Variants in LAMB1 observed in about 807,000 individuals in gnomAD.
The protein encoded by LAMB1 is laminin subunit beta-1.
Under a neutral mutation model 222.3 loss-of-function variants are expected in LAMB1, and 121 were observed. That is an observed-to-expected ratio of 0.54 (90% CI 0.47 to 0.63). LAMB1 has a LOEUF of 0.63. LAMB1 is among the 30% of genes least tolerant of loss of function. The pLI, the probability that LAMB1 is intolerant of heterozygous loss-of-function variation, is 0.00. For synonymous variants in LAMB1, 794 were observed against 807.2 expected (o/e 0.98, Z 0.28); for missense variants, 2,172 against 2,240.8 (o/e 0.97, Z 0.62).
At chr7:107,962,807 T>A in intron 15 of LAMB1, 98 bp downstream of exon 15, 1 of 965,702 alleles carries the variant, frequency 1.0e-6, no homozygotes, top group South Asian at 1.8e-5. Context: ...TAATGCAACC[T>A]CCATATTTCA....
intron 24 of LAMB1, chr7:107,942,823 C>A (rs1005961838): frequency 6.6e-6 from 1 of 152,076 alleles, no homozygotes; most frequent in Non-Finnish European, 1.5e-5. Context: ...AGGGGAAAAA[C>A]GTGTTCCGGT....
At chr7:107,963,338 G>T (rs1393355297) in intron 14 of LAMB1, among the ~76,000 whole-genome samples, 1 of 152,162 alleles carries the variant, frequency 6.6e-6, no homozygotes, top group Admixed American at 6.5e-5. Context: ...GACCAGGAGA[G>T]TAAGCATAAA....
In LAMB1 at chr7:107,935,636, T is replaced by A; in HGVS notation, c.3967A>T (p.Lys1323Ter). ...GCCTCAAGAGACATCTGGAAATACT[T>A]GGTAATGCTATCCAAGGCACCTAGG... ...DIRGALDSIT[K>*]YFQMSLEAEE... Residue 1323 changes from lysine (K) to a stop codon, truncating the protein, a stop_gained, in exon 27 of 34, where the codon AAG becomes TAG. Coordinates refer to ENST00000222399, the MANE Select transcript of LAMB1 (RefSeq NM_002291.3). LOFTEE classifies it high-confidence loss of function. 6.2e-7 allele frequency: 1 copy of A among 1,613,986 alleles called. No homozygotes were observed. The highest frequency in any genetic ancestry group is 8.5e-7 in the Non-Finnish European group (1 of 1,179,974).
rs2033834393 is a variant in LAMB1 at position 107,975,495 on chromosome 7, C to G, written c.1190-82G>C. 4.4e-6 allele frequency: 6 copies of G among 1,377,122 alleles called. No homozygotes were observed. The African/African-American group carries it at 8.8e-5, about 20-fold the overall frequency. 85.3% of individuals were successfully genotyped at this position (1,377,122 alleles called of 1,614,324 possible). A position where few individuals can be genotyped will look rare whatever the true frequency, so the allele number is the denominator to read the frequency against. On this transcript the variant is annotated intron_variant, in intron 10 of 33. Transcript: ENST00000222399. Reference sequence around the variant, plus strand: ...TATAAATACATATATTCCCTTCCTCCCTCTAAATCTCACAAAAGTCGACTA... The same window carrying G: ...TATAAATACATATATTCCCTTCCTCGCTCTAAATCTCACAAAAGTCGACTA...
chr7:107,963,175 T>C (rs778514844), intron 14 of LAMB1, 112 bp from the exon 15 acceptor site: 9 of 981,068 alleles, frequency 9.2e-6, no homozygotes, highest in Non-Finnish European at 1.0e-5. Flanking sequence ...GGCTACCTTA[T>C]GTCTATTTTT....
intron 5 of LAMB1, among the ~76,000 whole-genome samples, chr7:107,993,180 C>T (rs1262071379): frequency 6.6e-6 from 1 of 152,212 alleles, no homozygotes; most frequent in East Asian, 1.9e-4. Context: ...GTCACCCAGG[C>T]TGGAGTGCAG....
At chr7:108,002,474 C>G in intron 2 of LAMB1, 1 of 1,255,430 alleles carries the variant, frequency 8.0e-7, no homozygotes, top group South Asian at 1.5e-5. Flanking sequence ...TCAGCTCAGG[C>G]ACTCTCCTGG....
chr7:107,931,277 G>C, intron 29 of LAMB1, 79 bp downstream of exon 29: 1 of 1,305,840 alleles, frequency 7.7e-7, no homozygotes, highest in Non-Finnish European at 1.1e-6. Flanking sequence ...TACCCTGACA[G>C]AAATGGATTT....
Position 107,931,470 on chromosome 7 carries a change from C to G in LAMB1, c.4423G>C (p.Ala1475Pro), listed in dbSNP as rs145259999. 9.9e-6 allele frequency: 16 copies of G among 1,613,352 alleles called. No homozygotes were observed. The highest frequency in any genetic ancestry group is 1.4e-5 in the Non-Finnish European group (16 of 1,179,808). The change falls in exon 29 of 34, where the codon GCA becomes CCA. Residue 1475 changes from alanine to proline, a missense_variant. Physicochemically the swap from Ala to Pro is conservative, Grantham distance 27. Coordinates refer to ENST00000222399, the MANE Select transcript of LAMB1 (RefSeq NM_002291.3). ...AGAATGTCTTCAGCACTTTGTTTTG[C>G]CTCATCTGCCCTCAGTTTTGCTTCA... is the stretch of plus-strand genomic sequence containing the variant. ...VSEAKLRADEAKQSAEDILLK... is the reference protein window; with the variant it reads ...VSEAKLRADEPKQSAEDILLK...
chr7:107,951,436 C>A (rs2033248278), intron 23 of LAMB1, 114 bp from the exon 24 acceptor site: 2 of 858,652 alleles, frequency 2.3e-6, no homozygotes, highest in Admixed American at 5.0e-5. Context: ...CTGAGAAGGT[C>A]TCCATTGACT....
intron 17 of LAMB1, 96 bp from the exon 18 acceptor site, chr7:107,960,745 G>C: frequency 1.0e-6 from 1 of 957,902 alleles, no homozygotes; most frequent in Admixed American, 2.0e-5. Context: ...ATGCTTCTTT[G>C]ACCCTTGAAC....
At position 107,961,691 on chromosome 7, in the gene LAMB1, A is replaced by G. The variant is rs1347854966; in HGVS notation, c.1858-15T>C. 6.2e-7 allele frequency: 1 copy of G among 1,608,758 alleles called. No homozygotes were observed. The highest frequency in any genetic ancestry group is 8.5e-7 in the Non-Finnish European group (1 of 1,175,614). On this transcript the variant is annotated splice_polypyrimidine_tract_variant and intron_variant, in intron 15 of 33. Transcript: ENST00000222399. Reference sequence around the variant, plus strand: ...TGGTCGGGTAGCTAGAATAAGAAACAAACAATGAAAAGATAGTTAGCCCAC... The same window carrying G: ...TGGTCGGGTAGCTAGAATAAGAAACGAACAATGAAAAGATAGTTAGCCCAC...
intron 33 of LAMB1, 63 bp from the exon 34 acceptor site, chr7:107,924,150 G>A: frequency 3.3e-6 from 5 of 1,529,840 alleles, no homozygotes; most frequent in Non-Finnish European, 4.4e-6. Context: ...TCAAGACAAA[G>A]TGAATATATT....
intron 18 of LAMB1, 137 bp from the exon 19 acceptor site, chr7:107,959,971 G>T: frequency 8.3e-7 from 1 of 1,199,822 alleles, no homozygotes; most frequent in Non-Finnish European, 1.1e-6. Flanking sequence ...ATGAGCGGAA[G>T]GGAAGAAAGG....
intron 7 of LAMB1, 106 bp from the exon 8 acceptor site, chr7:107,980,917 T>C (rs1272343135): frequency 6.1e-6 from 4 of 651,442 alleles, no homozygotes; most frequent in Middle Eastern, 4.1e-4. Context: ...CACATGAAAA[T>C]AGCTTAAGTT....
At chr7:107,994,789 T>C (rs1302773429) in intron 5 of LAMB1, 98 bp downstream of exon 5, 3 of 627,584 alleles carry the variant, frequency 4.8e-6, no homozygotes, top group Non-Finnish European at 8.4e-6. Flanking sequence ...AATATTTAAG[T>C]TCCCATTTAG....
At chr7:107,942,530 T>A (rs2033015669) in intron 24 of LAMB1, 1 of 152,218 alleles carries the variant, frequency 6.6e-6, no homozygotes, top group Non-Finnish European at 1.5e-5. Flanking sequence ...GTTAAGAGCA[T>A]GAACTGCGGA....
rs554989213 is a variant in LAMB1, at chr7:107,959,038, G to C, written c.2690+211C>G. On this transcript the variant is annotated intron_variant, in intron 20 of 33. Transcript: ENST00000222399. Reference sequence around the variant, plus strand: ...GATTCATGTCAGTTTTGTTCTCTGCGGTATCTCCAGCACCAGAACGGTGCC... The same window carrying C: ...GATTCATGTCAGTTTTGTTCTCTGCCGTATCTCCAGCACCAGAACGGTGCC... Among the ~76,000 whole-genome samples, 36 of 152,198 alleles carry C rather than the reference G, an allele frequency of 2.4e-4. No individual in the cohort carries two copies. The South Asian group carries it at 6.4e-3, about 27-fold the overall frequency.
chr7:107,975,763 C>T lies in LAMB1; in HGVS notation c.1115G>A (p.Arg372His), dbSNP rs760878737. The change falls in exon 10 of 34, where the codon CGC becomes CAC. Residue 372 changes from arginine to histidine, a missense_variant. Physicochemically the swap from Arg to His is conservative, Grantham distance 29. Coordinates refer to ENST00000222399, the MANE Select transcript of LAMB1 (RefSeq NM_002291.3). ...AAACGGCTTGCACTGCTCACAGTTG[C>T]GCCCCATGGTGTTGTGCTGACAGTC... is the stretch of plus-strand genomic sequence containing the variant. ...CDDCQHNTMGRNCEQCKPFYY... is the reference protein window; with the variant it reads ...CDDCQHNTMGHNCEQCKPFYY... 3.7e-6 allele frequency: 6 copies of T among 1,613,964 alleles called. No individual in the cohort carries two copies. Among genetic ancestry groups the T allele is most frequent in the African/African-American group, 1.3e-5 (1 of 74,958 alleles).
Sources: allele counts gnomAD v4.1 joint callset (sites outside exome capture counted in the v4.1 genomes callset), GRCh38; gene constraint gnomAD v4.1.1; transcripts MANE v1.5; gene names NCBI Gene and HGNC (gene_info 2026-07-23, HGNC 2026-07-21).